SCAND3: variants seen among roughly 807,000 people sequenced by gnomAD.
SCAND3 encodes the protein SCAN domain-containing protein 3.
At chr6:28,573,766 C>T in the SCAND3 span, 2 of 1,584,622 alleles carry the variant, frequency 1.3e-6, no homozygotes, top group Admixed American at 1.9e-5. Flanking sequence ...ATTACTACTA[C>T]TGTGTTCAGA....
chr6:28,585,388 G>A, the SCAND3 span: 1 of 152,186 alleles, frequency 6.6e-6, no homozygotes, highest in South Asian at 2.1e-4. Flanking sequence ...ACAGCCAGAG[G>A]AAGGATGTGG....
the SCAND3 span, chr6:28,576,203 A>G: frequency 2.3e-6 from 3 of 1,278,524 alleles, no homozygotes; most frequent in South Asian, 4.6e-5. Context: ...TATATTGCCA[A>G]AGGAGCCAGT....
At chr6:28,573,027 AAT>A in the SCAND3 span, 1 of 1,613,018 alleles carries the variant, frequency 6.2e-7, no homozygotes, top group Non-Finnish European at 8.5e-7. Context: ...ATTTGTTAAC[AAT>A]ATAATTCTTT....
At chr6:28,583,949 G>C in the SCAND3 span, among the ~76,000 whole-genome samples, 1 of 152,190 alleles carries the variant, frequency 6.6e-6, no homozygotes, top group Non-Finnish European at 1.5e-5. Flanking sequence ...GAGCGATACA[G>C]CTTGGGTTGG....
At chr6:28,594,121 A>C in the SCAND3 span, 1 of 152,242 alleles carries the variant, frequency 6.6e-6, no homozygotes, top group Non-Finnish European at 1.5e-5. Context: ...GAGAACAGAC[A>C]GCTTTTGTAC....
the SCAND3 span, among the ~76,000 whole-genome samples, chr6:28,614,210 C>T: frequency 3.3e-5 from 5 of 152,070 alleles, no homozygotes; most frequent in African/African-American, 4.8e-5. Flanking sequence ...GTGATCCACC[C>T]GCCTCGGCCT....
the SCAND3 span, among the ~76,000 whole-genome samples, chr6:28,600,354 G>A: frequency 6.6e-6 from 1 of 152,112 alleles, no homozygotes; most frequent in African/African-American, 2.4e-5. Flanking sequence ...AACAGCAGGT[G>A]GGGAGTGGTG....
the SCAND3 span, chr6:28,574,558 T>C: frequency 1.6e-6 from 2 of 1,223,256 alleles, no homozygotes; most frequent in Non-Finnish European, 2.3e-6. Flanking sequence ...TGTGCTTTCA[T>C]ATACCTTGTC....
chr6:28,611,172 C>T, the SCAND3 span, among the ~76,000 whole-genome samples: 1 of 152,246 alleles, frequency 6.6e-6, no homozygotes, highest in Non-Finnish European at 1.5e-5. Context: ...TGCCTCTCTA[C>T]TGCTAACCTG....
chr6:28,599,020 A>G, the SCAND3 span, among the ~76,000 whole-genome samples: 4 of 152,100 alleles, frequency 2.6e-5, no homozygotes, highest in African/African-American at 9.6e-5. Flanking sequence ...AACACTATTT[A>G]TATTAGCACC....
At chr6:28,586,288 A>G in the SCAND3 span, 4 of 1,577,124 alleles carry the variant, frequency 2.5e-6, no homozygotes, top group African/African-American at 5.4e-5. This position sits in a 1 kb window ranked among gnomAD's most constrained non-coding sequence, Gnocchi z 4.4. Context: ...TGGCACCTCC[A>G]ATTTCTCACC....
chr6:28,576,627 C>T, the SCAND3 span, among the ~76,000 whole-genome samples: 1 of 152,060 alleles, frequency 6.6e-6, no homozygotes, highest in African/African-American at 2.4e-5. Context: ...AATGAAACTC[C>T]AGCCAATAAC....
the SCAND3 span, among the ~76,000 whole-genome samples, chr6:28,581,818 A>G: frequency 1.3e-5 from 2 of 152,254 alleles, no homozygotes; most frequent in Admixed American, 1.3e-4. Flanking sequence ...AGCCTGGAAA[A>G]GAATTTAATT....
At chr6:28,573,516 T>C in the SCAND3 span, 2 of 1,613,864 alleles carry the variant, frequency 1.2e-6, no homozygotes, top group Middle Eastern at 3.3e-4. Context: ...AGAATTCTTT[T>C]GGTTGTGAAC....
chr6:28,602,895 T>A, the SCAND3 span, among the ~76,000 whole-genome samples: 1 of 152,080 alleles, frequency 6.6e-6, no homozygotes, highest in South Asian at 2.1e-4. Flanking sequence ...ATTAAAATAT[T>A]GTTAAATACT....
chr6:28,573,343 T>C, the SCAND3 span: 1 of 1,614,148 alleles, frequency 6.2e-7, no homozygotes, highest in Non-Finnish European at 8.5e-7. Context: ...GCAAACTTCT[T>C]TGATGCAGTC....
the SCAND3 span, chr6:28,587,978 A>G: frequency 6.6e-6 from 1 of 152,216 alleles, no homozygotes; most frequent in Non-Finnish European, 1.5e-5. Context: ...AGAGATGCCC[A>G]AGGAATATTT....
the SCAND3 span, among the ~76,000 whole-genome samples, chr6:28,592,822 C>A: frequency 6.6e-6 from 1 of 152,112 alleles, no homozygotes; most frequent in Non-Finnish European, 1.5e-5. This position sits in a 1 kb window ranked among gnomAD's most constrained non-coding sequence, Gnocchi z 4.1. Flanking sequence ...AAAAGGACAG[C>A]TTCTTTAATA....
At chr6:28,612,318 G>C in the SCAND3 span, among the ~76,000 whole-genome samples, 1 of 152,092 alleles carries the variant, frequency 6.6e-6, no homozygotes, top group South Asian at 2.1e-4. Context: ...GATTACAGGC[G>C]TGAGCCACTG....
Sources: gnomAD v4.1 joint callset for allele counts (sites outside exome capture counted in the v4.1 genomes callset) on GRCh38, gnomAD v4.1.1 for gene constraint, Gnocchi (gnomAD v3.1) non-coding constraint, MANE v1.5 for transcripts, NCBI Gene and HGNC (gene_info 2026-07-23, HGNC 2026-07-21) for gene names.